The following HS1BP3 variants were observed in gnomAD, a reference collection of about 807,000 sequenced individuals.
The protein encoded by HS1BP3 is HCLS1-binding protein 3.
In HS1BP3, 32 loss-of-function variants were observed where a neutral mutation model predicts 33.5. That is an observed-to-expected ratio of 0.95 (90% CI 0.72 to 1.28). HS1BP3 has a LOEUF of 1.28. Ranked by LOEUF, HS1BP3 falls within the 50% of genes most tolerant of loss-of-function variation. The pLI is 0.00. For missense variants in HS1BP3, 486 were observed against 502.3 expected, an observed-to-expected ratio of 0.97 and a Z score of 0.31; for synonymous variants, 187 against 209.2, an observed-to-expected ratio of 0.89 and a Z score of 0.92.
At chr2:20,641,275 A>G in intron 2 of HS1BP3, 95 bp from the exon 3 acceptor site, 1 of 1,163,348 alleles carries the variant, frequency 8.6e-7, no homozygotes, top group Non-Finnish European at 1.2e-6. Flanking sequence ...CCAGCAGCCA[A>G]AGGAAGTGTG....
chr2:20,571,013 G>A (rs56220253), intron 5 of HS1BP3, among the ~76,000 whole-genome samples: 17,893 of 152,130 alleles, frequency 0.12, 1,740 homozygotes, highest in African/African-American at 0.28. Flanking sequence ...GGAGAGAGAA[G>A]AGGAAGACCT....
intron 5 of HS1BP3, among the ~76,000 whole-genome samples, chr2:20,571,465 T>G (rs753653177): frequency 2.3e-4 from 35 of 152,248 alleles, no homozygotes; most frequent in Non-Finnish European, 4.7e-4. Context: ...ATTGTTCGAC[T>G]TTGTGTCCTT....
intron 1 of HS1BP3, among the ~76,000 whole-genome samples, chr2:20,650,768 G>A (rs901634541): frequency 6.6e-6 from 1 of 152,184 alleles, no homozygotes; most frequent in African/African-American, 2.4e-5. Context: ...GCGCCCGCCT[G>A]CACTGAACCA....
At chr2:20,580,723 T>A (rs1368432826) in intron 5 of HS1BP3, among the ~76,000 whole-genome samples, 2 of 152,150 alleles carry the variant, frequency 1.3e-5, no homozygotes, top group African/African-American at 2.4e-5. Context: ...CTTATGAGAT[T>A]GGCAAAAATT....
chr2:20,586,325 G>C (rs1693684747), intron 5 of HS1BP3: 1 of 152,168 alleles, frequency 6.6e-6, no homozygotes, highest in Non-Finnish European at 1.5e-5. Flanking sequence ...CTTGAAGCTG[G>C]GGAAGGGGCT....
intron 5 of HS1BP3, among the ~76,000 whole-genome samples, chr2:20,567,505 C>A (rs548181941): frequency 3.4e-5 from 5 of 146,068 alleles, no homozygotes; most frequent in African/African-American, 5.1e-5. Context: ...GACAGAGAGG[C>A]CTGAGGAAGG....
chr2:20,641,696 C>A (rs1292443408), intron 2 of HS1BP3, among the ~76,000 whole-genome samples: 1 of 152,216 alleles, frequency 6.6e-6, no homozygotes, highest in Non-Finnish European at 1.5e-5. Flanking sequence ...TCAGGCAGGA[C>A]CTCTCTGCAC....
chr2:20,597,775 T>A (rs1269822441), intron 3 of HS1BP3, among the ~76,000 whole-genome samples: 7 of 152,228 alleles, frequency 4.6e-5, no homozygotes. Flanking sequence ...CATAGATGGT[T>A]CTCATAGAAT....
At chr2:20,595,017 A>G (rs1475557456) in intron 3 of HS1BP3, among the ~76,000 whole-genome samples, 2 of 152,242 alleles carry the variant, frequency 1.3e-5, no homozygotes, top group Non-Finnish European at 1.5e-5. Context: ...AAACACTCAG[A>G]TCATAGCATC....
At chr2:20,647,740 C>A (rs1488016984) in intron 1 of HS1BP3, among the ~76,000 whole-genome samples, 1 of 152,158 alleles carries the variant, frequency 6.6e-6, no homozygotes, top group African/African-American at 2.4e-5. Flanking sequence ...TCTGCTGCAG[C>A]TGCTACGGAG....
Position 20,624,408 on chromosome 2 carries a change from C to T in HS1BP3, c.784+324G>A, listed in dbSNP as rs145707520. Among the ~76,000 whole-genome samples, 17 of 152,226 alleles carry T rather than the reference C, an allele frequency of 1.1e-4. No homozygotes were observed. In the East Asian group the frequency reaches 2.3e-3, roughly 21 times the overall value. On this transcript the variant is annotated intron_variant, in intron 5 of 6. Transcript: ENST00000304031. Reference sequence around the variant, plus strand: ...GGGATGAGTGGAGATGTCCCAAGGCCGCTCGGTTTTCCCTCTGCCAACTCT... The same window carrying T: ...GGGATGAGTGGAGATGTCCCAAGGCTGCTCGGTTTTCCCTCTGCCAACTCT...
At chr2:20,585,755 G>A (rs139315475) in intron 5 of HS1BP3, among the ~76,000 whole-genome samples, 75 of 152,312 alleles carry the variant, frequency 4.9e-4, no homozygotes, top group African/African-American at 1.6e-3. Flanking sequence ...TGCCTTGTTC[G>A]TTTCCCAAGT....
chr2:20,563,574 C>T (rs1279213863), intron 5 of HS1BP3, among the ~76,000 whole-genome samples: 2 of 152,164 alleles, frequency 1.3e-5, no homozygotes, highest in African/African-American at 4.8e-5. Context: ...TGGAGCTGCC[C>T]TCCTATCACA....
chr2:20,620,748 A>G (rs926135654), intron 6 of HS1BP3, among the ~76,000 whole-genome samples: 1 of 152,242 alleles, frequency 6.6e-6, no homozygotes, highest in South Asian at 2.1e-4. Flanking sequence ...AAGACAACAC[A>G]AGGAAAGTAG....
At chr2:20,576,733 A>C (rs1455525541) in intron 5 of HS1BP3, among the ~76,000 whole-genome samples, 2 of 152,308 alleles carry the variant, frequency 1.3e-5, no homozygotes, top group East Asian at 3.9e-4. Context: ...TTTATTCCAC[A>C]ACAGAAATGG....
Position 20,618,556 on chromosome 2 carries a change from A to T in HS1BP3, c.*431T>A. ...TCACTCCTTCTTACTATGCGAACAG[A>T]GGCAGAGGAGGGATAGAGGCCCAGC... On this transcript the variant is annotated 3_prime_UTR_variant, in exon 7 of 7. Coordinates refer to ENST00000304031, the MANE Select transcript of HS1BP3 (RefSeq NM_022460.4). 1 of 213,478 alleles carries T rather than the reference A, an allele frequency of 4.7e-6. No homozygotes were observed. The highest frequency in any genetic ancestry group is 8.4e-6 in the Non-Finnish European group (1 of 118,712). The allele number at this position is 213,478 out of a possible 1,614,324, so 13.2% of individuals were successfully genotyped here. A position where few individuals can be genotyped will look rare whatever the true frequency, so the allele number is the denominator to read the frequency against.
chr2:20,589,445 G>T (rs1267900683), downstream of HS1BP3, among the ~76,000 whole-genome samples: 1 of 152,084 alleles, frequency 6.6e-6, no homozygotes, highest in African/African-American at 2.4e-5. Flanking sequence ...ACTGAGCTCT[G>T]CTCCCCTGCA....
chr2:20,607,167 T>TA (rs903336317), intron 2 of HS1BP3, among the ~76,000 whole-genome samples: 3 of 151,804 alleles, frequency 2.0e-5, no homozygotes, highest in Non-Finnish European at 4.4e-5. Flanking sequence ...CATTCTTTTT[T>TA]TTTTTTGAGA....
intron 5 of HS1BP3, among the ~76,000 whole-genome samples, chr2:20,565,948 C>A (rs151332853): frequency 6.6e-6 from 1 of 152,366 alleles, no homozygotes; most frequent in African/African-American, 2.4e-5. Context: ...GCTGAGCGCT[C>A]CAAGCTAGCT....
Sources: gnomAD v4.1 joint callset for allele counts (sites outside exome capture counted in the v4.1 genomes callset) on GRCh38, gnomAD v4.1.1 for gene constraint, MANE v1.5 for transcripts, NCBI Gene and HGNC (gene_info 2026-07-23, HGNC 2026-07-21) for gene names.